The following MCF2L2 variants were observed in gnomAD, a reference collection of about 807,000 sequenced individuals.
The protein encoded by MCF2L2 is MCF.2 cell line derived transforming sequence-like 2.
A neutral mutation model predicts 150.2 loss-of-function variants in MCF2L2; 102 were observed. That is an observed-to-expected ratio of 0.68 (90% CI 0.58 to 0.80). MCF2L2 has a LOEUF of 0.80. Among genes scored for constraint, MCF2L2 ranks in the 30% least tolerant of loss-of-function variants. The probability of loss-of-function intolerance (pLI) is 0.00; values close to 1 mark genes in which losing one functional copy is unlikely to be tolerated. For synonymous variants in MCF2L2, 465 were observed against 491.3 expected (o/e 0.95, Z 0.71); for missense variants, 1,256 against 1,372.8 (o/e 0.91, Z 1.34).
chr3:183,262,380 GT>G (rs1269844098), intron 15 of MCF2L2, among the ~76,000 whole-genome samples: 1 of 152,152 alleles, frequency 6.6e-6, no homozygotes, highest in African/African-American at 2.4e-5. Flanking sequence ...AGGCAGGGCT[GT>G]ATAAGTGCAG....
intron 1 of MCF2L2, among the ~76,000 whole-genome samples, chr3:183,415,185 C>A (rs1004267846): frequency 2.7e-5 from 4 of 146,764 alleles, no homozygotes; most frequent in Non-Finnish European, 6.1e-5. Context: ...AATAGTTGAA[C>A]TGAATTTTTT....
intron 15 of MCF2L2, among the ~76,000 whole-genome samples, chr3:183,246,344 C>A (rs1238682031): frequency 6.6e-6 from 1 of 152,178 alleles, no homozygotes; most frequent in East Asian, 1.9e-4. Context: ...AACATGACCT[C>A]ATTCTCCACC....
chr3:183,309,782 A>G lies in MCF2L2; in HGVS notation c.1047T>C (p.Ile349=). The part of the protein sequence containing the change: ...LLEEQAEFTG[I]GDSVMHVEQI... ...GCTCCACGTGCATCACGCTGTCTCC[A>G]ATGCCTGTAAACTCTGCTTGCTCTT... The change falls in exon 10 of 30, where the codon ATT becomes ATC. Residue 349 remains isoleucine (I), a synonymous_variant. Coordinates refer to ENST00000328913, the MANE Select transcript of MCF2L2 (RefSeq NM_015078.4). The G allele has an allele frequency of 3.1e-6, 5 of 1,613,932 alleles. No individual in the cohort carries two copies. The highest frequency in any genetic ancestry group is 4.2e-6 in the Non-Finnish European group (5 of 1,179,988).
At chr3:183,414,902 A>G (rs1350813960) in intron 1 of MCF2L2, among the ~76,000 whole-genome samples, 1 of 152,218 alleles carries the variant, frequency 6.6e-6, no homozygotes. Flanking sequence ...CATTTTGATT[A>G]AAGAACATAC....
chr3:183,327,659 G>A (rs1043013467), intron 5 of MCF2L2, among the ~76,000 whole-genome samples: 1 of 152,092 alleles, frequency 6.6e-6, no homozygotes, highest in Non-Finnish European at 1.5e-5. Flanking sequence ...CCATTTCAAT[G>A]CCCTGTTCCT....
chr3:183,392,320 G>A (rs1714201405), intron 1 of MCF2L2, among the ~76,000 whole-genome samples: 1 of 152,068 alleles, frequency 6.6e-6, no homozygotes, highest in Admixed American at 6.5e-5. Flanking sequence ...CTGACGCTAA[G>A]AGGGCAAACC....
At chr3:183,266,936 A>G (rs968236282) in intron 15 of MCF2L2, among the ~76,000 whole-genome samples, 1 of 151,870 alleles carries the variant, frequency 6.6e-6, no homozygotes, top group Non-Finnish European at 1.5e-5. Flanking sequence ...ACAGGTGTGC[A>G]CCACCACACC....
intron 27 of MCF2L2, chr3:183,182,711 A>C (rs753723975): frequency 6.6e-6 from 1 of 152,290 alleles, no homozygotes; most frequent in African/African-American, 2.4e-5. Flanking sequence ...CAGAGACAGT[A>C]ACCTATTCAC....
intron 3 of MCF2L2, among the ~76,000 whole-genome samples, chr3:183,361,155 C>T (rs886474934): frequency 2.7e-5 from 3 of 110,820 alleles, no homozygotes; most frequent in South Asian, 5.5e-4. Flanking sequence ...AGGAAGAGAG[C>T]GAAGGGAAGG....
intron 15 of MCF2L2, among the ~76,000 whole-genome samples, chr3:183,260,204 G>A (rs1357573365): frequency 6.6e-6 from 1 of 152,098 alleles, no homozygotes; most frequent in Admixed American, 6.5e-5. Flanking sequence ...GCAAAATGTG[G>A]AGGGAGATCC....
At chr3:183,215,380 T>C (rs1393809564) in intron 22 of MCF2L2, among the ~76,000 whole-genome samples, 1 of 147,940 alleles carries the variant, frequency 6.8e-6, no homozygotes, top group African/African-American at 2.4e-5. Context: ...CATACAGTTA[T>C]AGGGGATGTT....
In MCF2L2 at chr3:183,261,961, TAA is replaced by T. The variant is rs59219335; in HGVS notation, c.1862+14909_1862+14910del. Reference sequence around the variant, plus strand: ...TTTAGGAGGTTTTCATGTCCAGCATTAAAAAAAAAAAAAAAAGAATAGAATTG... The same window carrying T: ...TTTAGGAGGTTTTCATGTCCAGCATTAAAAAAAAAAAAAAGAATAGAATTG... On this transcript the variant is annotated intron_variant, in intron 15 of 29. Coordinates refer to ENST00000328913, the MANE Select transcript of MCF2L2 (RefSeq NM_015078.4). Among the ~76,000 whole-genome samples, 665 of 112,068 alleles carry T rather than the reference TAA, an allele frequency of 5.9e-3. 5 individuals are homozygous for T. Among genetic ancestry groups the T allele is most frequent in the African/African-American group, 0.019 (583 of 30,088 alleles). 73.5% of individuals were successfully genotyped at this position (112,068 alleles called of 152,430 possible). A position where few individuals can be genotyped will look rare whatever the true frequency, so the allele number is the denominator to read the frequency against.
At position 183,270,480 on chromosome 3, in the gene MCF2L2, C is replaced by T. The variant is rs1726657722; in HGVS notation, c.1862+6392G>A. On this transcript the variant is annotated intron_variant, in intron 15 of 29. Transcript: ENST00000328913. This position sits in a 1 kb window ranked among gnomAD's most constrained non-coding sequence, Gnocchi z 4.5. ...GATTGGTCGTGTTCATCGTGGTGCC[C>T]CTCCCATTAGAGATAAAAGCAGCAA... is the stretch of plus-strand genomic sequence containing the variant. 2.1e-5 allele frequency: 34 copies of T among 1,613,910 alleles called. No homozygotes were observed. Among genetic ancestry groups the T allele is most frequent in the Non-Finnish European group, 2.9e-5 (34 of 1,180,024 alleles).
intron 2 of MCF2L2, among the ~76,000 whole-genome samples, chr3:183,382,044 T>C (rs1713556606): frequency 7.3e-6 from 1 of 136,526 alleles, no homozygotes; most frequent in African/African-American, 2.5e-5. Flanking sequence ...GCCATTTAAT[T>C]TCACCTTTTA....
At chr3:183,387,931 C>CAAAAAAAAAAAAAAA (rs61024469) in intron 2 of MCF2L2, among the ~76,000 whole-genome samples, 1 of 72,402 alleles carries the variant, frequency 1.4e-5, no homozygotes, top group African/African-American at 6.3e-5. Context: ...GACTCCATCT[C>CAAAAAAAAAAAAAAA]AAAAAAAAAA....
chr3:183,318,218 C>T lies in MCF2L2; in HGVS notation c.604-1G>A, dbSNP rs570559296. ...AGGTCAAGGCAAAGTTTTCGATGGC[C>T]TGGAAGGTCAGACAATTGTAACAAT... On this transcript the variant is annotated splice_acceptor_variant, in intron 6 of 29. Transcript: ENST00000328913. LOFTEE classifies it high-confidence loss of function. 1.2e-6 allele frequency: 2 copies of T among 1,614,194 alleles called. No homozygotes were observed. Among genetic ancestry groups the T allele is most frequent in the South Asian group, 1.1e-5 (1 of 91,080 alleles).
intron 3 of MCF2L2, among the ~76,000 whole-genome samples, chr3:183,370,180 A>C (rs1025970270): frequency 7.2e-5 from 11 of 152,258 alleles, no homozygotes; most frequent in Non-Finnish European, 1.0e-4. Context: ...CTCAGACCGG[A>C]TTGAGAACTT....
At chr3:183,331,164 G>A (rs1184813183) in intron 5 of MCF2L2, among the ~76,000 whole-genome samples, 2 of 152,144 alleles carry the variant, frequency 1.3e-5, no homozygotes, top group Non-Finnish European at 2.9e-5. Context: ...GTAACAAAGA[G>A]ACAATCCTTA....
chr3:183,295,059 G>A (rs757314183), intron 13 of MCF2L2, among the ~76,000 whole-genome samples: 20 of 152,232 alleles, frequency 1.3e-4, no homozygotes, highest in East Asian at 5.8e-4. Flanking sequence ...TACCGCACCC[G>A]GCCTTTATGA....
Sources: gnomAD v4.1 joint callset for allele counts (sites outside exome capture counted in the v4.1 genomes callset) on GRCh38, gnomAD v4.1.1 for gene constraint, Gnocchi (gnomAD v3.1) non-coding constraint, MANE v1.5 for transcripts, NCBI Gene and HGNC (gene_info 2026-07-23, HGNC 2026-07-21) for gene names.